The following WNK2 variants were observed in gnomAD, a reference collection of about 807,000 sequenced individuals.
WNK2 encodes the protein WNK lysine deficient protein kinase 2.
WNK2 carries 67 observed loss-of-function variants against 192.1 expected under a neutral mutation model. That is an observed-to-expected ratio of 0.35 (90% CI 0.29 to 0.43). The LOEUF is 0.43. WNK2 is among the 20% of genes least tolerant of loss of function. The pLI is 1.00. For missense variants in WNK2, 2,698 were observed against 3,089.7 expected, an observed-to-expected ratio of 0.87 and a Z score of 3.01; for synonymous variants, 1,439 against 1,393.9, an observed-to-expected ratio of 1.03 and a Z score of -0.72.
chr9:93,290,077 A>T, intron 21 of WNK2, 30 bp downstream of exon 21: 3 of 1,550,386 alleles, frequency 1.9e-6, no homozygotes, highest in Non-Finnish European at 2.6e-6. Flanking sequence ...CCCTGCGTTC[A>T]CAAGGTGCTG....
chr9:93,267,793 G>A lies in WNK2; in HGVS notation c.3744G>A (p.Glu1248=), dbSNP rs1254888212. The A allele has an allele frequency of 6.2e-7, 1 of 1,611,102 alleles. No homozygotes were observed. Among genetic ancestry groups the A allele is most frequent in the African/African-American group, 1.3e-5 (1 of 74,888 alleles). The change falls in exon 17 of 30, where the codon GAG becomes GAA. Residue 1248 remains glutamate (E), a synonymous_variant. Coordinates refer to ENST00000427277, the MANE Select transcript of WNK2 (RefSeq NM_006648.4). ...AGGCCGAGCGGGAAACGTTCATCGA[G>A]CAGATGAAGGATGTCATGGACAAGG... The part of the protein sequence containing the change: ...ILQAERETFI[E]QMKDVMDKAE...
At chr9:93,207,677 T>C (rs951581316) in intron 2 of WNK2, among the ~76,000 whole-genome samples, 3 of 152,210 alleles carry the variant, frequency 2.0e-5, no homozygotes, top group African/African-American at 7.2e-5. Flanking sequence ...GAAATGAAAA[T>C]AGCCTCACTG....
At chr9:93,290,722 G>A (rs972337326) in intron 21 of WNK2, among the ~76,000 whole-genome samples, 1 of 152,228 alleles carries the variant, frequency 6.6e-6, no homozygotes, top group Non-Finnish European at 1.5e-5. Context: ...CGGTGGGGGG[G>A]GCGCTGTGAC....
intron 2 of WNK2, among the ~76,000 whole-genome samples, chr9:93,202,675 C>T (rs1243274504): frequency 2.6e-5 from 4 of 151,472 alleles, no homozygotes; most frequent in South Asian, 2.1e-4. Flanking sequence ...TGGTGGGGGC[C>T]GAATCAGGAG....
chr9:93,311,613 T>G (rs79631888), intron 28 of WNK2, among the ~76,000 whole-genome samples: 84 of 146,186 alleles, frequency 5.7e-4, no homozygotes, highest in African/African-American at 1.5e-3. Context: ...GTTTTTTTGT[T>G]TGTGTGTGTG....
intron 7 of WNK2, among the ~76,000 whole-genome samples, chr9:93,243,099 C>T (rs1210794036): frequency 1.3e-5 from 2 of 152,102 alleles, no homozygotes; most frequent in South Asian, 4.2e-4. Context: ...TGGGGAGGGC[C>T]CCAGGATTCT....
chr9:93,287,144 C>T (rs1848565560), intron 19 of WNK2, among the ~76,000 whole-genome samples: 1 of 152,174 alleles, frequency 6.6e-6, no homozygotes, highest in South Asian at 2.1e-4. Flanking sequence ...TGTGTTAAGA[C>T]AGCAGATCTC....
At chr9:93,217,008 G>A (rs1835862912) in intron 2 of WNK2, among the ~76,000 whole-genome samples, 1 of 151,418 alleles carries the variant, frequency 6.6e-6, no homozygotes, top group African/African-American at 2.4e-5. Flanking sequence ...TGCCAGGCTG[G>A]AGTGCAGTGG....
rs1310882117 is a variant in WNK2 at position 93,249,231 on chromosome 9, A to T, written c.1834+1397A>T. ...TAAATAATTCCTAGGATGGGAGTTT[A>T]AAAATCTCCTTTTTTCAAACTTTGA... On this transcript the variant is annotated intron_variant, in intron 8 of 29. Transcript: ENST00000427277. Among the ~76,000 whole-genome samples the T allele has an allele frequency of 1.3e-5, 2 of 152,230 alleles. 1 individual carries two copies. Among genetic ancestry groups the T allele is most frequent in the East Asian group, 3.8e-4 (2 of 5,202 alleles).
intron 17 of WNK2, 48 bp downstream of exon 17, chr9:93,267,964 G>A: frequency 1.2e-6 from 2 of 1,606,508 alleles, no homozygotes; most frequent in Non-Finnish European, 1.7e-6. Flanking sequence ...TGCAGTGGCT[G>A]GGCAGGTGGG....
chr9:93,288,983 C>T lies in WNK2; in HGVS notation c.4229C>T (p.Ala1410Val), dbSNP rs749370747. The T allele has an allele frequency of 5.0e-6, 8 of 1,601,786 alleles. No homozygotes were observed. In the Admixed American group the frequency reaches 6.8e-5, roughly 14 times the overall value. The change falls in exon 20 of 30, where the codon GCG becomes GTG. Residue 1410 changes from alanine (A) to valine (V), a missense_variant. Transcript: ENST00000427277. ...GCCACCAGCACCATGCCAGAGCCAG[C>T]GTCAGGAACTGCCAGCCAGGCAGGG... ...APATSTMPEP[A>V]SGTASQAGGP...
Position 93,267,757 on chromosome 9 carries a change from C to G in WNK2, c.3708C>G (p.Asp1236Glu), listed in dbSNP as rs939451105. Residue 1236 changes from aspartate (D) to glutamate (E), a missense_variant, in exon 17 of 30, where the codon GAC (aspartate) becomes GAG (glutamate). By Grantham distance (45) the Asp-to-Glu change is conservative (BLOSUM62 2). Around this residue, in one of 7 missense-constraint regions of WNK2, gnomAD observed 1,098 missense variants for 1,101.0 expected, o/e 1.00. Coordinates refer to ENST00000427277, the MANE Select transcript of WNK2 (RefSeq NM_006648.4). ...ATGTCCCTTTGCAGGTGGAGCATGA[C>G]TTTATCCTGCAGGCCGAGCGGGAAA... Reference protein sequence around the residue: ...DEIATYMVEHDFILQAERETF... With the variant: ...DEIATYMVEHEFILQAERETF... The G allele has an allele frequency of 5.0e-6, 8 of 1,598,396 alleles. No individual in the cohort carries two copies. Among genetic ancestry groups the G allele is most frequent in the South Asian group, 1.1e-5 (1 of 88,056 alleles).
intron 2 of WNK2, among the ~76,000 whole-genome samples, chr9:93,196,211 C>T (rs1166814149): frequency 1.3e-5 from 2 of 152,050 alleles, no homozygotes; most frequent in African/African-American, 2.4e-5. Context: ...GGGTCACGGG[C>T]TCCCTCTGGT....
At chr9:93,185,689 C>T (rs944171604) in intron 2 of WNK2, 79 bp downstream of exon 2, 23 of 1,507,942 alleles carry the variant, frequency 1.5e-5, no homozygotes, top group Admixed American at 4.1e-5. Context: ...CTTGCTCCTG[C>T]GCCTGGCCTT....
chr9:93,256,640 C>CGTGT, intron 10 of WNK2, 186 bp downstream of exon 10: 2 of 725,446 alleles, frequency 2.8e-6, no homozygotes, highest in East Asian at 2.9e-5. Flanking sequence ...TGTGTGTGTA[C>CGTGT]GTGTGTGTGT....
chr9:93,287,335 G>A (rs891882862), intron 19 of WNK2, among the ~76,000 whole-genome samples: 1 of 152,114 alleles, frequency 6.6e-6, no homozygotes, highest in African/African-American at 2.4e-5. Context: ...CCCCAGTGGC[G>A]TGTGCCTGGC....
chr9:93,293,423 G>A (rs752003421), intron 23 of WNK2, among the ~76,000 whole-genome samples: 1 of 151,666 alleles, frequency 6.6e-6, no homozygotes, highest in Non-Finnish European at 1.5e-5. Flanking sequence ...GGGTTCAAGC[G>A]ATTCTCCTCC....
intron 24 of WNK2, among the ~76,000 whole-genome samples, chr9:93,298,340 G>A (rs941720531): frequency 3.3e-5 from 5 of 152,242 alleles, no homozygotes; most frequent in African/African-American, 1.2e-4. Flanking sequence ...CTGTGCCAGG[G>A]AAGCTCAGGC....
intron 29 of WNK2, chr9:93,319,021 G>C (rs958049042): frequency 2.0e-6 from 3 of 1,535,236 alleles, no homozygotes; most frequent in Non-Finnish European, 2.6e-6. Flanking sequence ...GCCAGGGCAC[G>C]ATGCTGTCGT....
Sources: allele counts gnomAD v4.1 joint callset (sites outside exome capture counted in the v4.1 genomes callset), GRCh38; gene constraint gnomAD v4.1.1; regional missense constraint gnomAD v4.1.1; transcripts MANE v1.5; gene names NCBI Gene and HGNC (gene_info 2026-07-23, HGNC 2026-07-21).